Variants in ERBB4 observed in about 807,000 individuals in gnomAD.
ERBB4 encodes the protein erb-b2 receptor tyrosine kinase 4, also known as receptor tyrosine-protein kinase erbB-4.
ERBB4 carries 42 observed loss-of-function variants against 158.0 expected under a neutral mutation model. The ratio of observed to expected loss-of-function variants is 0.27; its 90% CI spans 0.21 to 0.34. The LOEUF (loss-of-function observed/expected upper bound fraction) is 0.34. Ranked by LOEUF, ERBB4 falls within the 10% of genes least tolerant of loss-of-function variation. The probability of loss-of-function intolerance (pLI) is 1.00; values close to 1 mark genes in which losing one functional copy is unlikely to be tolerated. For synonymous variants in ERBB4, 583 were observed against 558.7 expected (o/e 1.04, Z -0.61); for missense variants, 1,333 against 1,624.1 (o/e 0.82, Z 3.08).
intron 1 of ERBB4, among the ~76,000 whole-genome samples, chr2:212,333,517 G>A (rs112057136): frequency 0.044 from 6,190 of 140,712 alleles, 453 homozygotes; most frequent in African/African-American, 0.16. Context: ...AGTCTCTACA[G>A]AAAAAATACG....
At chr2:212,315,594 A>G (rs548718725) in intron 1 of ERBB4, among the ~76,000 whole-genome samples, 20 of 151,614 alleles carry the variant, frequency 1.3e-4, no homozygotes, top group Non-Finnish European at 1.8e-4. Context: ...TATTACAGTT[A>G]TAGTTTCTTG....
At chr2:212,356,276 A>G (rs1439684819) in intron 1 of ERBB4, among the ~76,000 whole-genome samples, 1 of 151,690 alleles carries the variant, frequency 6.6e-6, no homozygotes, top group African/African-American at 2.4e-5. Context: ...GAAATTACAA[A>G]TATGTTTTCA....
intron 1 of ERBB4, among the ~76,000 whole-genome samples, chr2:212,432,763 C>T (rs559308721): frequency 5.8e-4 from 88 of 152,188 alleles, no homozygotes; most frequent in Middle Eastern, 3.4e-3. Flanking sequence ...AAGGTGAAAA[C>T]TCTTTTAAAG....
At chr2:211,616,043 G>A (rs1458910398) in intron 19 of ERBB4, among the ~76,000 whole-genome samples, 1 of 152,016 alleles carries the variant, frequency 6.6e-6, no homozygotes, top group Admixed American at 6.6e-5. Flanking sequence ...AGTTATCCTT[G>A]GAACACTCTA....
At chr2:211,628,647 T>C (rs1185519408) in intron 17 of ERBB4, among the ~76,000 whole-genome samples, 1 of 152,212 alleles carries the variant, frequency 6.6e-6, no homozygotes, top group East Asian at 1.9e-4. Flanking sequence ...CATGTGTCTT[T>C]ATAGCAGCAT....
intron 19 of ERBB4, among the ~76,000 whole-genome samples, chr2:211,574,875 G>A (rs1338600128): frequency 2.0e-5 from 3 of 152,230 alleles, no homozygotes; most frequent in Middle Eastern, 3.4e-3. Context: ...TCCCTCTGAA[G>A]TCACATATTA....
intron 17 of ERBB4, 87 bp downstream of exon 17, chr2:211,630,375 C>G (rs2125871955): frequency 6.7e-7 from 1 of 1,494,802 alleles, no homozygotes; most frequent in South Asian, 1.2e-5. Context: ...CAGAATTTTA[C>G]TTGGATTAAA....
intron 1 of ERBB4, among the ~76,000 whole-genome samples, chr2:212,292,907 G>A (rs2106185102): frequency 6.6e-6 from 1 of 152,036 alleles, no homozygotes; most frequent in East Asian, 1.9e-4. Flanking sequence ...CAAATGCAAG[G>A]TAGTGAACTG....
At chr2:212,520,620 C>A (rs886698954) in intron 1 of ERBB4, among the ~76,000 whole-genome samples, 1 of 151,836 alleles carries the variant, frequency 6.6e-6, no homozygotes, top group African/African-American at 2.4e-5. Context: ...AAAAAAATAG[C>A]TTTCATTGTT....
intron 3 of ERBB4, among the ~76,000 whole-genome samples, chr2:211,827,491 T>G (rs952143821): frequency 1.1e-4 from 16 of 152,108 alleles, no homozygotes; most frequent in African/African-American, 3.1e-4. Flanking sequence ...GCCTTCTGTT[T>G]GTAGTTAATT....
At chr2:212,461,859 A>T (rs6754927) in intron 1 of ERBB4, among the ~76,000 whole-genome samples, 3,163 of 152,208 alleles carry the variant, frequency 0.021, 38 homozygotes, top group South Asian at 0.042. Flanking sequence ...GTCTCATGAG[A>T]TCTGATGGTT....
chr2:211,542,006 T>TC (rs1387415419), intron 20 of ERBB4, among the ~76,000 whole-genome samples: 1 of 134,668 alleles, frequency 7.4e-6, no homozygotes, highest in Non-Finnish European at 1.7e-5. Flanking sequence ...AGGGTCCACA[T>TC]TTTTTTTATT....
intron 2 of ERBB4, among the ~76,000 whole-genome samples, chr2:212,077,753 G>T (rs1357396349): frequency 6.6e-6 from 1 of 151,950 alleles, no homozygotes; most frequent in East Asian, 1.9e-4. Flanking sequence ...TATGCTTATT[G>T]CACATTTCTG....
intron 1 of ERBB4, among the ~76,000 whole-genome samples, chr2:212,269,335 C>A (rs1229288825): frequency 6.6e-6 from 1 of 151,806 alleles, no homozygotes; most frequent in East Asian, 1.9e-4. Context: ...AATGAACATG[C>A]TTTGTGTTGA....
chr2:212,462,501 AT>A (rs1215477094), intron 1 of ERBB4, among the ~76,000 whole-genome samples: 13 of 152,210 alleles, frequency 8.5e-5, no homozygotes, highest in Non-Finnish European at 1.8e-4. Context: ...GCATATAAAT[AT>A]GTTCAATATC....
In ERBB4 at chr2:212,538,731, C is replaced by T. The variant is rs958540956; in HGVS notation, c.-201G>A. On this transcript the variant is annotated 5_prime_UTR_variant, in exon 1 of 28. Transcript: ENST00000342788. ...CCAGGGCCGGGGCCCGAGGAGGGGG[C>T]GAGTGTGAGCGCGTGTGTGCGCGTG... is the stretch of plus-strand genomic sequence containing the variant. 36 of 407,020 alleles carry T rather than the reference C, an allele frequency of 8.8e-5. No homozygotes were observed. Among genetic ancestry groups the T allele is most frequent in the Non-Finnish European group, 1.4e-4 (34 of 236,088 alleles). 25.2% of individuals were successfully genotyped at this position (407,020 alleles called of 1,614,324 possible).
At chr2:212,477,092 G>A (rs541414323) in intron 1 of ERBB4, among the ~76,000 whole-genome samples, 1 of 152,192 alleles carries the variant, frequency 6.6e-6, no homozygotes, top group South Asian at 2.1e-4. Context: ...GAAACACTTA[G>A]CATAATGTTT....
chr2:212,349,078 A>C (rs2089140550), intron 1 of ERBB4, among the ~76,000 whole-genome samples: 1 of 152,106 alleles, frequency 6.6e-6, no homozygotes, highest in Admixed American at 6.6e-5. Flanking sequence ...TGTGTCTCAA[A>C]AGTGGTGACA....
At chr2:211,874,184 T>G (rs1662450703) in intron 3 of ERBB4, among the ~76,000 whole-genome samples, 1 of 152,072 alleles carries the variant, frequency 6.6e-6, no homozygotes, top group Non-Finnish European at 1.5e-5. Flanking sequence ...CCTGCTGCTC[T>G]CATTTTTTTT....
Sources: allele counts gnomAD v4.1 joint callset (sites outside exome capture counted in the v4.1 genomes callset), GRCh38; gene constraint gnomAD v4.1.1; transcripts MANE v1.5; gene names NCBI Gene and HGNC (gene_info 2026-07-23, HGNC 2026-07-21).